The following GEMIN5 variants were observed in gnomAD, a reference collection of about 807,000 sequenced individuals.
GEMIN5 encodes the protein gem nuclear organelle associated protein 5.
A neutral mutation model predicts 176.9 loss-of-function variants in GEMIN5; 124 were observed. That is an observed-to-expected ratio of 0.70 (90% CI 0.61 to 0.81). GEMIN5 has a LOEUF of 0.81. Among genes scored for constraint, GEMIN5 ranks in the 40% least tolerant of loss-of-function variants. The probability of loss-of-function intolerance (pLI) is 0.00; values close to 1 mark genes in which losing one functional copy is unlikely to be tolerated. For synonymous variants in GEMIN5, 673 were observed against 665.2 expected, an observed-to-expected ratio of 1.01 and a Z score of -0.18; for missense variants, 1,843 against 1,814.6, an observed-to-expected ratio of 1.02 and a Z score of -0.28.
intron 15 of GEMIN5, among the ~76,000 whole-genome samples, chr5:154,910,817 G>A (rs1763685186): frequency 6.6e-6 from 1 of 152,176 alleles, no homozygotes; most frequent in East Asian, 1.9e-4. Flanking sequence ...TCCTGCCTCA[G>A]CCTCCCGAGT....
At chr5:154,904,325 G>T (rs1010475530) in intron 18 of GEMIN5, among the ~76,000 whole-genome samples, 182 bp downstream of exon 18, 1 of 152,150 alleles carries the variant, frequency 6.6e-6, no homozygotes, top group African/African-American at 2.4e-5. Flanking sequence ...GGGTCACAAT[G>T]GGGAGTTTGG....
In GEMIN5 at chr5:154,927,510, G is replaced by A. The variant is rs35522740; in HGVS notation, c.955C>T (p.Arg319Trp). Residue 319 changes from arginine (R) to tryptophan (W), a missense_variant, in exon 7 of 28, where the codon CGG (arginine) becomes TGG (tryptophan). Transcript: ENST00000285873. The part of the protein sequence containing the change: ...LQWDLTQSWR[R>W]KYTLFSASSE... ...GAGGCACTGAAGAGGGTGTATTTCC[G>A]TCTCCAAGATTGAGTGAGATCCCAT... The A allele has an allele frequency of 1.0e-4, 161 of 1,609,750 alleles. No homozygotes were observed. Among genetic ancestry groups the A allele is most frequent in the Non-Finnish European group, 1.3e-4 (150 of 1,176,346 alleles).
intron 15 of GEMIN5, 93 bp downstream of exon 15, chr5:154,911,634 C>A: frequency 9.3e-6 from 10 of 1,073,564 alleles, no homozygotes; most frequent in South Asian, 3.0e-5. Context: ...GACACTAATG[C>A]CCTACACGAA....
intron 15 of GEMIN5, 35 bp from the exon 16 acceptor site, chr5:154,907,853 T>C (rs1266045147): frequency 2.0e-6 from 3 of 1,511,764 alleles, no homozygotes; most frequent in Non-Finnish European, 2.7e-6. Flanking sequence ...GACTAAAGTA[T>C]ACATTCTTGG....
At position 154,907,807 on chromosome 5, in the gene GEMIN5, T is replaced by C. The variant is rs1763602790; in HGVS notation, c.2179A>G (p.Ile727Val). 3 of 1,607,186 alleles carry C rather than the reference T, an allele frequency of 1.9e-6. No homozygotes were observed. Among genetic ancestry groups the C allele is most frequent in the Admixed American group, 3.4e-5 (2 of 59,594 alleles). ...HSRPPQGKKS[I>V]ELEKKRLSQP... ...GAGAGCCGTTTTTTCTCCAATTCAA[T>C]ACTTTTTTTGCCTACAAGAATCACA... The change falls in exon 16 of 28, where the codon ATT becomes GTT. Residue 727 changes from isoleucine (I) to valine (V), a missense_variant. Transcript: ENST00000285873.
chr5:154,924,518 A>G lies in GEMIN5; in HGVS notation c.1330T>C (p.Phe444Leu). Residue 444 changes from phenylalanine (F) to leucine (L), a missense_variant, in exon 9 of 28, where the codon TTT (phenylalanine) becomes CTT (leucine). Coordinates refer to ENST00000285873, the MANE Select transcript of GEMIN5 (RefSeq NM_015465.5). ...CCCACTTTTCCATCATCAGTTCCAA[A>G]AGCTAAGCAACCTTCCTTGGTTGGG... ...WHPTKEGCLA[F>L]GTDDGKVGLY... 6.2e-7 allele frequency: 1 copy of G among 1,613,100 alleles called. No homozygotes were observed. The highest frequency in any genetic ancestry group is 8.5e-7 in the Non-Finnish European group (1 of 1,179,130).
chr5:154,916,580 T>G (rs1030888958), intron 13 of GEMIN5, among the ~76,000 whole-genome samples: 2 of 152,134 alleles, frequency 1.3e-5, no homozygotes, highest in Admixed American at 1.3e-4. Flanking sequence ...CTCAAACTCC[T>G]AGAATCAGAT....
At chr5:154,929,459 C>T (rs1764115851) in intron 5 of GEMIN5, among the ~76,000 whole-genome samples, 1 of 152,110 alleles carries the variant, frequency 6.6e-6, no homozygotes, top group African/African-American at 2.4e-5. Flanking sequence ...CTTCTAATCA[C>T]CGTTTTTTAA....
At chr5:154,893,538 C>G (rs555414538) in intron 24 of GEMIN5, among the ~76,000 whole-genome samples, 2 of 152,302 alleles carry the variant, frequency 1.3e-5, no homozygotes, top group South Asian at 4.1e-4. Flanking sequence ...ACAACACTAC[C>G]AGCAAAATCA....
At chr5:154,915,567 T>C (rs1763793515) in intron 13 of GEMIN5, among the ~76,000 whole-genome samples, 1 of 152,218 alleles carries the variant, frequency 6.6e-6, no homozygotes, top group South Asian at 2.1e-4. Flanking sequence ...ATACAGACAC[T>C]GCAATTAGAC....
At chr5:154,907,898 C>T (rs954605190) in intron 15 of GEMIN5, 80 bp from the exon 16 acceptor site, 3 of 909,240 alleles carry the variant, frequency 3.3e-6, no homozygotes, top group Non-Finnish European at 5.3e-6. Flanking sequence ...TCCAATATCT[C>T]ATTCCTCTTT....
At chr5:154,894,519 A>C (rs816749) in intron 24 of GEMIN5, among the ~76,000 whole-genome samples, 145,107 of 152,154 alleles carry the variant, frequency 0.95, 69,314 homozygotes, top group South Asian at 0.99. Flanking sequence ...ACTTGTAATC[A>C]CAGCACTTTG....
At chr5:154,930,273 G>A (rs1764134637) in intron 5 of GEMIN5, among the ~76,000 whole-genome samples, 1 of 152,200 alleles carries the variant, frequency 6.6e-6, no homozygotes, top group Non-Finnish European at 1.5e-5. Context: ...CAGCAGCAGG[G>A]GCCACATGCG....
intron 2 of GEMIN5, 88 bp from the exon 3 acceptor site, chr5:154,936,110 TA>T (rs1764263266): frequency 1.2e-6 from 1 of 814,408 alleles, no homozygotes; most frequent in Non-Finnish European, 1.9e-6. Context: ...TAATGCTACA[TA>T]TACACATTAA....
In GEMIN5 at chr5:154,920,109, T is replaced by G. The variant is rs772122855; in HGVS notation, c.1463-6A>C. 4 of 1,605,088 alleles carry G rather than the reference T, an allele frequency of 2.5e-6. No individual in the cohort carries two copies. Among genetic ancestry groups the G allele is most frequent in the East Asian group, 2.2e-5 (1 of 44,784 alleles). On this transcript the variant is annotated splice_region_variant and splice_polypyrimidine_tract_variant and intron_variant, in intron 10 of 27. Transcript: ENST00000285873. ...AGGTCTGTCTCCTTCTCCTCCTGTA[T>G]GAAATAAGAAAAGAAACTTATCAGT...
intron 24 of GEMIN5, among the ~76,000 whole-genome samples, chr5:154,894,638 G>A (rs1763309180): frequency 3.3e-5 from 5 of 152,080 alleles, no homozygotes; most frequent in Admixed American, 3.3e-4. Context: ...TGGCTGCAGT[G>A]GCTCATGCCT....
chr5:154,911,333 T>C (rs1763694902), intron 15 of GEMIN5, among the ~76,000 whole-genome samples: 1 of 152,060 alleles, frequency 6.6e-6, no homozygotes, highest in Non-Finnish European at 1.5e-5. Flanking sequence ...CCAACATGGC[T>C]AGATCCCGTC....
rs189174453 is a variant in GEMIN5 at position 154,931,873 on chromosome 5, C to T, written c.661+226G>A. Among the ~76,000 whole-genome samples the T allele has an allele frequency of 6.0e-4, 91 of 152,262 alleles. 1 individual carries two copies. Among genetic ancestry groups the T allele is most frequent in the African/African-American group, 1.9e-3 (79 of 41,542 alleles). ...TACTAAAAATACAAAATTAGCTGGG[C>T]GTGGTGGCGCATGCCTGTAATCCCG... is the stretch of plus-strand genomic sequence containing the variant. On this transcript the variant is annotated intron_variant, in intron 4 of 27. Transcript: ENST00000285873.
Position 154,924,507 on chromosome 5 carries a change from A to T in GEMIN5, c.1341T>A (p.Asp447Glu). 1 of 1,612,534 alleles carries T rather than the reference A, an allele frequency of 6.2e-7. No homozygotes were observed. Among genetic ancestry groups the T allele is most frequent in the African/African-American group, 1.3e-5 (1 of 75,038 alleles). ...TKEGCLAFGT[D>E]DGKVGLYDTY... Reference sequence around the variant, plus strand: ...TGTCATACAATCCCACTTTTCCATCATCAGTTCCAAAAGCTAAGCAACCTT... The same window carrying T: ...TGTCATACAATCCCACTTTTCCATCTTCAGTTCCAAAAGCTAAGCAACCTT... The change falls in exon 9 of 28, where the codon GAT (aspartate) becomes GAA (glutamate). Residue 447 changes from aspartate (D) to glutamate (E), a missense_variant. Coordinates refer to ENST00000285873, the MANE Select transcript of GEMIN5 (RefSeq NM_015465.5).
Sources: allele counts gnomAD v4.1 joint callset (sites outside exome capture counted in the v4.1 genomes callset), GRCh38; gene constraint gnomAD v4.1.1; transcripts MANE v1.5; gene names NCBI Gene and HGNC (gene_info 2026-07-23, HGNC 2026-07-21).